The following SRBD1 variants were observed in gnomAD, a reference collection of about 807,000 sequenced individuals.
SRBD1 encodes S1 RNA binding domain 1.
In SRBD1, 88 loss-of-function variants were observed where a neutral mutation model predicts 115.3. That is an observed-to-expected ratio of 0.76 (90% CI 0.64 to 0.91). SRBD1 has a LOEUF of 0.91. Among genes scored for constraint, SRBD1 ranks in the 40% least tolerant of loss-of-function variants. The pLI, the probability that SRBD1 is intolerant of heterozygous loss-of-function variation, is 0.00. For missense variants in SRBD1, 1,385 were observed against 1,177.4 expected, an observed-to-expected ratio of 1.18 and a Z score of -2.58; for synonymous variants, 509 against 407.7, an observed-to-expected ratio of 1.25 and a Z score of -2.99.
At chr2:45,591,446 T>C (rs916929191) in intron 4 of SRBD1, among the ~76,000 whole-genome samples, 3 of 152,182 alleles carry the variant, frequency 2.0e-5, no homozygotes, top group African/African-American at 7.2e-5. Context: ...ACTCTGGTTT[T>C]CCACACAGCT....
intron 12 of SRBD1, among the ~76,000 whole-genome samples, chr2:45,548,669 C>A (rs1672195547): frequency 6.7e-6 from 1 of 148,698 alleles, no homozygotes; most frequent in Non-Finnish European, 1.5e-5. Context: ...TATAATTAAT[C>A]ACAGCAACAT....
chr2:45,592,556 G>T (rs184411799), intron 4 of SRBD1, among the ~76,000 whole-genome samples: 1 of 152,250 alleles, frequency 6.6e-6, no homozygotes, highest in African/African-American at 2.4e-5. Flanking sequence ...CTACTCTGAA[G>T]TTTGCCTTGG....
At chr2:45,599,027 G>A (rs1187746084) in intron 4 of SRBD1, among the ~76,000 whole-genome samples, 1 of 152,110 alleles carries the variant, frequency 6.6e-6, no homozygotes, top group East Asian at 1.9e-4. Context: ...AAATCGCTAG[G>A]CCTTGTTGTA....
intron 4 of SRBD1, among the ~76,000 whole-genome samples, chr2:45,586,492 T>C (rs982953402): frequency 1.1e-4 from 16 of 152,222 alleles, no homozygotes; most frequent in African/African-American, 3.6e-4. Context: ...TCTATATCTT[T>C]TGAATTTTGT....
intron 14 of SRBD1, among the ~76,000 whole-genome samples, chr2:45,489,631 G>A (rs1670231876): frequency 6.6e-6 from 1 of 152,074 alleles, no homozygotes; most frequent in Non-Finnish European, 1.5e-5. Context: ...TACAATAACA[G>A]CTGAGTGCAT....
chr2:45,492,151 T>C (rs769291179), intron 14 of SRBD1, among the ~76,000 whole-genome samples: 1 of 152,172 alleles, frequency 6.6e-6, no homozygotes, highest in Non-Finnish European at 1.5e-5. Context: ...TTAGGTAAAA[T>C]TCAATGGTGT....
chr2:45,446,481 T>TAA (rs1249868388), intron 16 of SRBD1, among the ~76,000 whole-genome samples: 2 of 152,122 alleles, frequency 1.3e-5, no homozygotes, highest in African/African-American at 4.8e-5. Flanking sequence ...TCCTCCCAAA[T>TAA]CATTAATTCT....
chr2:45,585,891 T>C (rs1673505488), intron 4 of SRBD1, 117 bp from the exon 5 acceptor site: 8 of 775,132 alleles, frequency 1.0e-5, no homozygotes, highest in Admixed American at 1.0e-4. Context: ...CTACTTGCTA[T>C]AGTTTTTTAA....
At chr2:45,549,762 C>A (rs546316011) in intron 12 of SRBD1, among the ~76,000 whole-genome samples, 63 of 148,264 alleles carry the variant, frequency 4.2e-4, no homozygotes, top group Non-Finnish European at 7.9e-4. Flanking sequence ...ACTCGGGAGG[C>A]TGAGGTGGGA....
chr2:45,398,569 T>A (rs1488355961), intron 19 of SRBD1, among the ~76,000 whole-genome samples: 1 of 152,192 alleles, frequency 6.6e-6, no homozygotes, highest in Non-Finnish European at 1.5e-5. Context: ...ATTCATTGTA[T>A]GTAGGAGAAT....
chr2:45,458,776 A>C (rs1360344072), intron 16 of SRBD1, among the ~76,000 whole-genome samples: 1 of 152,150 alleles, frequency 6.6e-6, no homozygotes, highest in Non-Finnish European at 1.5e-5. Context: ...CATTCCCTTA[A>C]GTCTGAAATG....
At chr2:45,465,089 C>T (rs1234391776) in intron 16 of SRBD1, among the ~76,000 whole-genome samples, 2 of 151,434 alleles carry the variant, frequency 1.3e-5, no homozygotes, top group Non-Finnish European at 2.9e-5. Context: ...CTAGGACTCC[C>T]TGCAGATACC....
chr2:45,477,966 C>CCT (rs1669853239), intron 15 of SRBD1, among the ~76,000 whole-genome samples: 1 of 148,050 alleles, frequency 6.8e-6, no homozygotes. Flanking sequence ...ATTTATTGTC[C>CCT]TTTTTTTTTT....
At chr2:45,416,867 C>G (rs950843119) in intron 18 of SRBD1, among the ~76,000 whole-genome samples, 5 of 152,138 alleles carry the variant, frequency 3.3e-5, no homozygotes, top group African/African-American at 1.2e-4. Context: ...CAACCTCCAC[C>G]TCCTGGGTTC....
chr2:45,471,782 T>C (rs866582158), intron 16 of SRBD1, among the ~76,000 whole-genome samples: 58 of 152,288 alleles, frequency 3.8e-4, no homozygotes, highest in African/African-American at 1.3e-3. Context: ...GTAAATGGTA[T>C]GTAGTGGCTC....
At chr2:45,456,965 G>C (rs1468914442) in intron 16 of SRBD1, among the ~76,000 whole-genome samples, 3 of 151,806 alleles carry the variant, frequency 2.0e-5, no homozygotes, top group African/African-American at 7.2e-5. Context: ...GGCTGACATA[G>C]AAAATGTATA....
At chr2:45,436,039 TAAG>T (rs1379917398) in intron 16 of SRBD1, among the ~76,000 whole-genome samples, 1 of 151,902 alleles carries the variant, frequency 6.6e-6, no homozygotes, top group Non-Finnish European at 1.5e-5. Context: ...TAACAATCTA[TAAG>T]AAGAATTATA....
In SRBD1 at chr2:45,599,635, T is replaced by C. The variant is rs928973136; in HGVS notation, c.462A>G (p.Thr154=). ...CTCCCCACACAGTGCTTGTGGATGGTGTCTCTGAACTATTACTCTCACCCT... is the reference window on the plus strand; with the variant it reads ...CTCCCCACACAGTGCTTGTGGATGGCGTCTCTGAACTATTACTCTCACCCT... The part of the protein sequence containing the change: ...NLEGESNSSE[T]PSTSTVWGGT... The change falls in exon 4 of 21, where the codon ACA becomes ACG. Residue 154 remains threonine (T), a synonymous_variant. Transcript: ENST00000263736. The C allele has an allele frequency of 1.1e-5, 18 of 1,614,104 alleles. No homozygotes were observed. Among genetic ancestry groups the C allele is most frequent in the Non-Finnish European group, 1.5e-5 (18 of 1,180,048 alleles).
intron 14 of SRBD1, 74 bp downstream of exon 14, chr2:45,546,658 G>A (rs181481861): frequency 1.5e-6 from 2 of 1,377,896 alleles, no homozygotes; most frequent in Admixed American, 1.7e-5. Context: ...AAAAGAGAAG[G>A]GAGGATTCAT....
Sources: gnomAD v4.1 joint callset for allele counts (sites outside exome capture counted in the v4.1 genomes callset) on GRCh38, gnomAD v4.1.1 for gene constraint, MANE v1.5 for transcripts, NCBI Gene and HGNC (gene_info 2026-07-23, HGNC 2026-07-21) for gene names.